TENT5A: variants seen among roughly 807,000 people sequenced by gnomAD.
TENT5A encodes the protein terminal nucleotidyltransferase 5A, also known as HBV X-transactivated gene 11 protein.
TENT5A carries 9 observed loss-of-function variants against 30.2 expected under a neutral mutation model. The ratio of observed to expected loss-of-function variants is 0.30; its 90% CI spans 0.18 to 0.52. The LOEUF (loss-of-function observed/expected upper bound fraction) is 0.52. Ranked by LOEUF, TENT5A falls within the 20% of genes least tolerant of loss-of-function variation. TENT5A has a pLI of 0.97. For missense variants in TENT5A, 411 were observed against 566.1 expected, an observed-to-expected ratio of 0.73 and a Z score of 2.78; for synonymous variants, 264 against 234.2, an observed-to-expected ratio of 1.13 and a Z score of -1.16.
In TENT5A at chr6:81,748,079, G is replaced by C. The variant is rs2127726008; in HGVS notation, c.*1616C>G. On this transcript the variant is annotated 3_prime_UTR_variant, in exon 3 of 3. Transcript: ENST00000320172. ...TCATATATAAATTTTAAGCAATTGTGCAAATATTCTGTAAAAAGGGTCATT... is the reference window on the plus strand; with the variant it reads ...TCATATATAAATTTTAAGCAATTGTCCAAATATTCTGTAAAAAGGGTCATT... 1.0e-6 allele frequency: 1 copy of C among 981,424 alleles called. No individual in the cohort carries two copies. Among genetic ancestry groups the C allele is most frequent in the East Asian group, 1.1e-4 (1 of 8,796 alleles). The allele number at this position is 981,424 out of a possible 1,614,324, so 60.8% of individuals were successfully genotyped here. A position where few individuals can be genotyped will look rare whatever the true frequency, so the allele number is the denominator to read the frequency against.
Position 81,751,653 on chromosome 6 carries a change from G to A in TENT5A, c.489C>T (p.Asp163=). The A allele has an allele frequency of 1.9e-6, 3 of 1,614,182 alleles. No homozygotes were observed. Among genetic ancestry groups the A allele is most frequent in the Non-Finnish European group, 2.5e-6 (3 of 1,180,032 alleles). The change falls in exon 2 of 3, where the codon GAC becomes GAT. Residue 163 remains aspartate (D), a synonymous_variant. Transcript: ENST00000320172. The part of the protein sequence containing the change: ...EFQTVKDVVL[D]CLLDFLPEGV... Reference sequence around the variant, plus strand: ...CCTCGGGTAAGAAGTCCAACAGGCAGTCCAGCACGACGTCCTTCACAGTCT... The same window carrying A: ...CCTCGGGTAAGAAGTCCAACAGGCAATCCAGCACGACGTCCTTCACAGTCT...
In TENT5A at chr6:81,748,639, TA is replaced by T; in HGVS notation, c.*1055del. The T allele has an allele frequency of 5.5e-6, 5 of 912,530 alleles. No homozygotes were observed. Among genetic ancestry groups the T allele is most frequent in the Non-Finnish European group, 6.5e-6 (5 of 763,604 alleles). The allele number at this position is 912,530 out of a possible 1,614,324, so 56.5% of individuals were successfully genotyped here. On this transcript the variant is annotated 3_prime_UTR_variant, in exon 3 of 3. Transcript: ENST00000320172. ...TATATATACATATAAAATGTATATA[TA>T]AAATGTATATATACACACACACATA...
In TENT5A at chr6:81,749,443, C is replaced by A. The variant is rs918558095; in HGVS notation, c.*252G>T. 2.8e-5 allele frequency: 35 copies of A among 1,230,016 alleles called. No homozygotes were observed. In the African/African-American group the frequency reaches 5.4e-4, roughly 19 times the overall value. The allele number at this position is 1,230,016 out of a possible 1,614,324, so 76.2% of individuals were successfully genotyped here. On this transcript the variant is annotated 3_prime_UTR_variant, in exon 3 of 3. Coordinates refer to ENST00000320172, the MANE Select transcript of TENT5A (RefSeq NM_017633.3). ...AACCTGGTTGCTTCTAATGACAGGT[C>A]TCTCTTTTTTTGCAGGATAGAATCC...
rs928464171 is a variant in TENT5A at position 81,745,807 on chromosome 6, C to G, written c.*3888G>C. On this transcript the variant is annotated 3_prime_UTR_variant, in exon 3 of 3. Coordinates refer to ENST00000320172, the MANE Select transcript of TENT5A (RefSeq NM_017633.3). Reference sequence around the variant, plus strand: ...CTGTAAACAAAATTCACAATCTGTTCCCTCTAGCACTGATTCAAACATGTC... The same window carrying G: ...CTGTAAACAAAATTCACAATCTGTTGCCTCTAGCACTGATTCAAACATGTC... 1 of 985,716 alleles carries G rather than the reference C, an allele frequency of 1.0e-6. No individual in the cohort carries two copies. Among genetic ancestry groups the G allele is most frequent in the Non-Finnish European group, 1.2e-6 (1 of 829,906 alleles). The allele number at this position is 985,716 out of a possible 1,614,324, so 61.1% of individuals were successfully genotyped here.
At position 81,746,214 on chromosome 6, in the gene TENT5A, T is replaced by G; in HGVS notation, c.*3481A>C. 9.0e-7 allele frequency: 1 copy of G among 1,105,154 alleles called. No individual in the cohort carries two copies. The highest frequency in any genetic ancestry group is 1.1e-6 in the Non-Finnish European group (1 of 907,968). The allele number at this position is 1,105,154 out of a possible 1,614,324, so 68.5% of individuals were successfully genotyped here. A position where few individuals can be genotyped will look rare whatever the true frequency, so the allele number is the denominator to read the frequency against. ...AAATTACTTTTTTTGGCTTTTTGGT[T>G]TCACCTAACACACTTCATCTTCAAC... On this transcript the variant is annotated 3_prime_UTR_variant, in exon 3 of 3. Transcript: ENST00000320172.
chr6:81,746,111 G>A lies in TENT5A; in HGVS notation c.*3584C>T. On this transcript the variant is annotated 3_prime_UTR_variant, in exon 3 of 3. Transcript: ENST00000320172. ...TTATTTTAACAAAATATAACATAGA[G>A]ATTCTTTCTTAGCACTGAAAATGCT... The A allele has an allele frequency of 1.0e-6, 1 of 980,342 alleles. No homozygotes were observed. The highest frequency in any genetic ancestry group is 1.2e-6 in the Non-Finnish European group (1 of 824,370). The allele number at this position is 980,342 out of a possible 1,614,324, so 60.7% of individuals were successfully genotyped here.
Position 81,745,993 on chromosome 6 carries a change from G to A in TENT5A, c.*3702C>T, listed in dbSNP as rs1044423. On this transcript the variant is annotated 3_prime_UTR_variant, in exon 3 of 3. Coordinates refer to ENST00000320172, the MANE Select transcript of TENT5A (RefSeq NM_017633.3). Reference sequence around the variant, plus strand: ...TGGAGGGAGAGACAGCCAGCAGGCAGAGCCTCCTCCGTTCTGCAAGGCTTT... The same window carrying A: ...TGGAGGGAGAGACAGCCAGCAGGCAAAGCCTCCTCCGTTCTGCAAGGCTTT... 1 of 985,844 alleles carries A rather than the reference G, an allele frequency of 1.0e-6. No individual in the cohort carries two copies. The highest frequency in any genetic ancestry group is 1.2e-6 in the Non-Finnish European group (1 of 829,886). The allele number at this position is 985,844 out of a possible 1,614,324, so 61.1% of individuals were successfully genotyped here.
At position 81,747,147 on chromosome 6, in the gene TENT5A, TA is replaced by T; in HGVS notation, c.*2547del. On this transcript the variant is annotated 3_prime_UTR_variant, in exon 3 of 3. Transcript: ENST00000320172. ...CAGAGTCAGAGACCTCCAGACTCTT[TA>T]AAATAGTAGACGACTCATTTGTCAA... 1.0e-6 allele frequency: 1 copy of T among 985,436 alleles called. No individual in the cohort carries two copies. The highest frequency in any genetic ancestry group is 1.2e-6 in the Non-Finnish European group (1 of 829,900). 61.0% of individuals were successfully genotyped at this position (985,436 alleles called of 1,614,324 possible).
rs575841062 is a variant in TENT5A at position 81,752,201 on chromosome 6, G to GC, written c.-37-24dup. 1,434 of 1,478,674 alleles carry GC rather than the reference G, an allele frequency of 9.7e-4. 18 individuals are homozygous for GC. In the East Asian group the frequency reaches 0.031, roughly 32 times the overall value. The allele number at this position is 1,478,674 out of a possible 1,614,324, so 91.6% of individuals were successfully genotyped here. Reference sequence around the variant, plus strand: ...GTCCTAAAAAGAAAGGGAAAGGAGCGCGGTGAGGACGCGCGGCGGCGGAGA... The same window carrying GC: ...GTCCTAAAAAGAAAGGGAAAGGAGCGCCGGTGAGGACGCGCGGCGGCGGAGA... On this transcript the variant is annotated intron_variant, in intron 1 of 2. Transcript: ENST00000320172.
rs746161231 is a variant in TENT5A, at chr6:81,749,934, C to G, written c.1090G>C (p.Glu364Gln). ...YLMTLHGVVN[E>Q]STVCLMGHER... Reference sequence around the variant, plus strand: ...TGTCCCATCAGGCACACTGTGCTCTCATTTACCACTCCATGAAGGGTCATG... The same window carrying G: ...TGTCCCATCAGGCACACTGTGCTCTGATTTACCACTCCATGAAGGGTCATG... The change falls in exon 3 of 3, where the codon GAG becomes CAG. Residue 364 changes from glutamate to glutamine, a missense_variant. Physicochemically the swap from Glu to Gln is conservative, Grantham distance 29. Coordinates refer to ENST00000320172, the MANE Select transcript of TENT5A (RefSeq NM_017633.3). The G allele has an allele frequency of 5.0e-6, 8 of 1,614,132 alleles. No homozygotes were observed. The Admixed American group carries it at 1.3e-4, about 27-fold the overall frequency.
rs750247269 is a variant in TENT5A at position 81,749,748 on chromosome 6, G to A, written c.1276C>T (p.Pro426Ser). The change falls in exon 3 of 3, where the codon CCA becomes TCA. Residue 426 changes from proline (P) to serine (S), a missense_variant. Coordinates refer to ENST00000320172, the MANE Select transcript of TENT5A (RefSeq NM_017633.3). ...GTCTGTTGCTGGCACGTGAATACTGGCTGAACCTGTGCAATGTAGTAATTG... is the reference window on the plus strand; with the variant it reads ...GTCTGTTGCTGGCACGTGAATACTGACTGAACCTGTGCAATGTAGTAATTG... ...FSNYYIAQVQ[P>S]VFTCQQQTYS... 9.3e-6 allele frequency: 15 copies of A among 1,613,734 alleles called. No homozygotes were observed. The East Asian group carries it at 3.3e-4, about 36-fold the overall frequency.
In TENT5A at chr6:81,750,256, G is replaced by A; in HGVS notation, c.768C>T (p.His256=). 2 of 1,614,168 alleles carry A rather than the reference G, an allele frequency of 1.2e-6. No individual in the cohort carries two copies. Among genetic ancestry groups the A allele is most frequent in the Admixed American group, 1.7e-5 (1 of 60,024 alleles). The change falls in exon 3 of 3, where the codon CAC becomes CAT. Residue 256 remains histidine (H), a synonymous_variant. Coordinates refer to ENST00000320172, the MANE Select transcript of TENT5A (RefSeq NM_017633.3). This position sits in a 1 kb window ranked among gnomAD's most constrained non-coding sequence, Gnocchi z 4.2. ...CSENPMTETF[H]PTIIGESVYG... Reference sequence around the variant, plus strand: ...AGACGCTCTCCCCGATTATTGTGGGGTGAAATGTCTCAGTCATTGGGTTCT... The same window carrying A: ...AGACGCTCTCCCCGATTATTGTGGGATGAAATGTCTCAGTCATTGGGTTCT...
chr6:81,749,450 T>G lies in TENT5A; in HGVS notation c.*245A>C. On this transcript the variant is annotated 3_prime_UTR_variant, in exon 3 of 3. Transcript: ENST00000320172. ...TTGCTTCTAATGACAGGTCTCTCTT[T>G]TTTTGCAGGATAGAATCCAATTGGG... 8.1e-7 allele frequency: 1 copy of G among 1,238,156 alleles called. No homozygotes were observed. Among genetic ancestry groups the G allele is most frequent in the Admixed American group, 3.9e-5 (1 of 25,508 alleles). The allele number at this position is 1,238,156 out of a possible 1,614,324, so 76.7% of individuals were successfully genotyped here. A position where few individuals can be genotyped will look rare whatever the true frequency, so the allele number is the denominator to read the frequency against.
In TENT5A at chr6:81,750,485, G is replaced by C; in HGVS notation, c.553-14C>G. On this transcript the variant is annotated splice_polypyrimidine_tract_variant and intron_variant, in intron 2 of 2. Coordinates refer to ENST00000320172, the MANE Select transcript of TENT5A (RefSeq NM_017633.3). This position sits in a 1 kb window ranked among gnomAD's most constrained non-coding sequence, Gnocchi z 4.2. ...CACATAAGCTTCCTACAATTTAAAA[G>C]ATAAAACAAAATGAGCAAACCTAGA... is the stretch of plus-strand genomic sequence containing the variant. 6.9e-7 allele frequency: 1 copy of C among 1,453,558 alleles called. No individual in the cohort carries two copies. The allele number at this position is 1,453,558 out of a possible 1,614,324, so 90.0% of individuals were successfully genotyped here. A position where few individuals can be genotyped will look rare whatever the true frequency, so the allele number is the denominator to read the frequency against.
chr6:81,747,796 A>G lies in TENT5A; in HGVS notation c.*1899T>C. 28 of 985,866 alleles carry G rather than the reference A, an allele frequency of 2.8e-5. No individual in the cohort carries two copies. Among genetic ancestry groups the G allele is most frequent in the Non-Finnish European group, 3.4e-5 (28 of 829,920 alleles). 61.1% of individuals were successfully genotyped at this position (985,866 alleles called of 1,614,324 possible). On this transcript the variant is annotated 3_prime_UTR_variant, in exon 3 of 3. Coordinates refer to ENST00000320172, the MANE Select transcript of TENT5A (RefSeq NM_017633.3). ...TTTTGTTTTTAACAAATGCATTTTC[A>G]GAGACCAGTATCTAGAGGAACTACT...
rs1345417188 is a variant in TENT5A, at chr6:81,746,644, C to A, written c.*3051G>T. The A allele has an allele frequency of 1.9e-5, 23 of 1,231,472 alleles. No homozygotes were observed. The highest frequency in any genetic ancestry group is 2.2e-5 in the Non-Finnish European group (22 of 987,658). 76.3% of individuals were successfully genotyped at this position (1,231,472 alleles called of 1,614,324 possible). ...GTGTTCTCTGACATGCCAGGCTGGACAGGTGAGAAGAGCCTCCAAAAGACA... is the reference window on the plus strand; with the variant it reads ...GTGTTCTCTGACATGCCAGGCTGGAAAGGTGAGAAGAGCCTCCAAAAGACA... On this transcript the variant is annotated 3_prime_UTR_variant, in exon 3 of 3. Coordinates refer to ENST00000320172, the MANE Select transcript of TENT5A (RefSeq NM_017633.3).
At chr6:81,751,544 C>T in intron 2 of TENT5A, 46 bp downstream of exon 2, 2 of 1,521,468 alleles carry the variant, frequency 1.3e-6, no homozygotes, top group Non-Finnish European at 1.8e-6. Flanking sequence ...CCGTCACACC[C>T]GGCCCAGACT....
chr6:81,746,746 G>C lies in TENT5A; in HGVS notation c.*2949C>G. ...AGGAAACAAATCACAGGCGCTAATAGGGAGTCGGGAGCTGTTCTTTTCTCT... is the reference window on the plus strand; with the variant it reads ...AGGAAACAAATCACAGGCGCTAATACGGAGTCGGGAGCTGTTCTTTTCTCT... On this transcript the variant is annotated 3_prime_UTR_variant, in exon 3 of 3. Coordinates refer to ENST00000320172, the MANE Select transcript of TENT5A (RefSeq NM_017633.3). 1 of 1,221,540 alleles carries C rather than the reference G, an allele frequency of 8.2e-7. No individual in the cohort carries two copies. The highest frequency in any genetic ancestry group is 1.0e-6 in the Non-Finnish European group (1 of 981,786). 75.7% of individuals were successfully genotyped at this position (1,221,540 alleles called of 1,614,324 possible). A position where few individuals can be genotyped will look rare whatever the true frequency, so the allele number is the denominator to read the frequency against.
At position 81,747,827 on chromosome 6, in the gene TENT5A, G is replaced by C. The variant is rs1768916902; in HGVS notation, c.*1868C>G. On this transcript the variant is annotated 3_prime_UTR_variant, in exon 3 of 3. Coordinates refer to ENST00000320172, the MANE Select transcript of TENT5A (RefSeq NM_017633.3). ...CAGTATCTAGAGGAACTACTGGCTAGGAGAAAGGGTGGTTTTAGGATTAGC... is the reference window on the plus strand; with the variant it reads ...CAGTATCTAGAGGAACTACTGGCTACGAGAAAGGGTGGTTTTAGGATTAGC... 3 of 985,762 alleles carry C rather than the reference G, an allele frequency of 3.0e-6. No homozygotes were observed. The South Asian group carries it at 1.4e-4, about 46-fold the overall frequency. The allele number at this position is 985,762 out of a possible 1,614,324, so 61.1% of individuals were successfully genotyped here. A position where few individuals can be genotyped will look rare whatever the true frequency, so the allele number is the denominator to read the frequency against.
Sources: gnomAD v4.1 joint callset for allele counts on GRCh38, gnomAD v4.1.1 for gene constraint, Gnocchi (gnomAD v3.1) non-coding constraint, MANE v1.5 for transcripts, NCBI Gene and HGNC (gene_info 2026-07-23, HGNC 2026-07-21) for gene names.